The following TMEM117 variants were observed in gnomAD, a reference collection of about 807,000 sequenced individuals.
TMEM117 encodes the protein transmembrane protein 117.
In TMEM117, 27 loss-of-function variants were observed where a neutral mutation model predicts 52.4. The observed-to-expected ratio is 0.51, with a 90% confidence interval of 0.38 to 0.71. TMEM117 has a LOEUF of 0.71. TMEM117 is among the 30% of genes least tolerant of loss of function. The pLI is 0.00. For missense variants in TMEM117, 556 were observed against 630.5 expected (o/e 0.88, Z 1.26); for synonymous variants, 215 against 206.3 (o/e 1.04, Z -0.36).
At chr12:43,822,300 G>T in the TMEM117 span, among the ~76,000 whole-genome samples, 1 of 152,136 alleles carries the variant, frequency 6.6e-6, no homozygotes, top group African/African-American at 2.4e-5. Context: ...ATTGGACAGA[G>T]AAACTCTCAG....
chr12:44,137,867 A>T (rs77313209), intron 3 of TMEM117, among the ~76,000 whole-genome samples: 3,015 of 152,150 alleles, frequency 0.02, 83 homozygotes, highest in East Asian at 0.057. Context: ...AAACCATATC[A>T]CATGCTTTAC....
intron 3 of TMEM117, among the ~76,000 whole-genome samples, chr12:43,974,683 A>AT (rs1380453972): frequency 6.6e-6 from 1 of 152,058 alleles, no homozygotes; most frequent in African/African-American, 2.4e-5. Flanking sequence ...CCAGATGTAC[A>AT]TTTTTGATGT....
chr12:44,332,328 G>A (rs1951281635), intron 6 of TMEM117, among the ~76,000 whole-genome samples: 1 of 152,004 alleles, frequency 6.6e-6, no homozygotes, highest in Non-Finnish European at 1.5e-5. Flanking sequence ...CTTACTAGAA[G>A]GTGGAAAAAA....
intron 2 of TMEM117, among the ~76,000 whole-genome samples, chr12:43,942,089 G>T (rs1165867044): frequency 6.6e-6 from 1 of 152,094 alleles, no homozygotes; most frequent in Non-Finnish European, 1.5e-5. Flanking sequence ...ATAGGTCTTG[G>T]TCTAAAGCTG....
intron 4 of TMEM117, among the ~76,000 whole-genome samples, chr12:44,202,350 A>G (rs1452684867): frequency 1.3e-5 from 2 of 152,192 alleles, no homozygotes; most frequent in African/African-American, 4.8e-5. Flanking sequence ...ACGTGAAGCC[A>G]TGTTGAATTT....
At chr12:44,353,055 A>C (rs1361905924) in intron 6 of TMEM117, among the ~76,000 whole-genome samples, 1 of 152,110 alleles carries the variant, frequency 6.6e-6, no homozygotes, top group Non-Finnish European at 1.5e-5. Context: ...AGTGATGATG[A>C]GCATTTTTTC....
intron 6 of TMEM117, among the ~76,000 whole-genome samples, chr12:44,362,646 A>G (rs936589822): frequency 1.3e-5 from 2 of 152,084 alleles, no homozygotes; most frequent in Admixed American, 6.6e-5. Context: ...TTAGCTTAGA[A>G]TTGTGATGGT....
At chr12:44,260,200 G>A (rs1352432802) in intron 5 of TMEM117, among the ~76,000 whole-genome samples, 2 of 152,150 alleles carry the variant, frequency 1.3e-5, no homozygotes, top group Non-Finnish European at 2.9e-5. Flanking sequence ...GTTAGTGAAA[G>A]GTGAGAAAGC....
At chr12:43,968,867 G>T (rs554972682) in intron 3 of TMEM117, among the ~76,000 whole-genome samples, 1 of 152,278 alleles carries the variant, frequency 6.6e-6, no homozygotes, top group East Asian at 1.9e-4. Flanking sequence ...TTTTACTGCA[G>T]CCTGCACATG....
chr12:43,814,102 G>C, the TMEM117 span, among the ~76,000 whole-genome samples: 1 of 152,178 alleles, frequency 6.6e-6, no homozygotes, highest in African/African-American at 2.4e-5. Flanking sequence ...ACAGGAATAT[G>C]TTTGAAATTA....
Position 44,030,331 on chromosome 12 carries a change from A to G in TMEM117, c.410+85989A>G, listed in dbSNP as rs1946612984. Among the ~76,000 whole-genome samples the G allele has an allele frequency of 2.0e-5, 3 of 152,194 alleles. No homozygotes were observed. In the South Asian group the frequency reaches 6.2e-4, roughly 32 times the overall value. ...ACCTTGGAGCATTAAATTCTAGATA[A>G]AGCCTGGGGACATGTGGAGTTAGCC... On this transcript the variant is annotated intron_variant, in intron 3 of 7. Transcript: ENST00000266534.
At chr12:43,917,021 C>CCATTTATAAAACTG (rs201586853) in intron 2 of TMEM117, among the ~76,000 whole-genome samples, 1,595 of 152,210 alleles carry the variant, frequency 0.01, 27 homozygotes, top group East Asian at 0.041. Context: ...CATTTATTTA[C>CCATTTATAAAACTG]GGCCTCCCTA....
At chr12:43,888,363 A>T (rs2614394) in intron 2 of TMEM117, among the ~76,000 whole-genome samples, 1 of 151,940 alleles carries the variant, frequency 6.6e-6, no homozygotes, top group African/African-American at 2.4e-5. Flanking sequence ...TATGCCATCC[A>T]TTAGCCATAC....
At position 44,055,919 on chromosome 12, in the gene TMEM117, C is replaced by CT. The variant is rs141349619; in HGVS notation, c.411-87603dup. Among the ~76,000 whole-genome samples, 609 of 152,194 alleles carry CT rather than the reference C, an allele frequency of 4.0e-3. 7 individuals are homozygous for CT. Among genetic ancestry groups the CT allele is most frequent in the African/African-American group, 0.014 (586 of 41,550 alleles). On this transcript the variant is annotated intron_variant, in intron 3 of 7. Transcript: ENST00000266534. ...ACCAACAATTATATAAACTGTTACACTTTCAGCTTGTTTTCAGCTTTTTAT... is the reference window on the plus strand; with the variant it reads ...ACCAACAATTATATAAACTGTTACACTTTTCAGCTTGTTTTCAGCTTTTTAT...
At chr12:44,397,509 C>T in the TMEM117 span, among the ~76,000 whole-genome samples, 2 of 152,126 alleles carry the variant, frequency 1.3e-5, no homozygotes, top group Non-Finnish European at 2.9e-5. Context: ...TCTCTGAAAG[C>T]CACAACTGGA....
chr12:44,056,072 A>G (rs1054162185), intron 3 of TMEM117, among the ~76,000 whole-genome samples: 6 of 152,028 alleles, frequency 3.9e-5, no homozygotes, highest in Admixed American at 2.6e-4. Context: ...TTTTACATCT[A>G]TATTTAACAG....
At chr12:44,062,453 A>G (rs842201) in intron 3 of TMEM117, among the ~76,000 whole-genome samples, 1,599 of 152,322 alleles carry the variant, frequency 0.01, 28 homozygotes, top group African/African-American at 0.037. Flanking sequence ...ACCGTCTATG[A>G]AATAGCTCAG....
rs1592712129 is a variant in TMEM117, at chr12:44,352,236, A to G, written c.769-24359A>G. 2.6e-5 allele frequency among the ~76,000 whole-genome samples: 4 copies of G among 151,988 alleles called. No homozygotes were observed. The South Asian group carries it at 6.2e-4, about 24-fold the overall frequency. On this transcript the variant is annotated intron_variant, in intron 6 of 7. Coordinates refer to ENST00000266534, the MANE Select transcript of TMEM117 (RefSeq NM_032256.3). The stretch of plus-strand genomic sequence containing the variant: ...TACCCCATAAATATATACACCTACT[A>G]TGTACCCACAAACATTTTTAAAAAT...
chr12:44,088,100 T>C (rs1947602674), intron 3 of TMEM117, among the ~76,000 whole-genome samples: 1 of 152,186 alleles, frequency 6.6e-6, no homozygotes, highest in Admixed American at 6.5e-5. Flanking sequence ...ACTGTAGCTT[T>C]AGATAGTTAA....
Sources: gnomAD v4.1 joint callset for allele counts (sites outside exome capture counted in the v4.1 genomes callset) on GRCh38, gnomAD v4.1.1 for gene constraint, MANE v1.5 for transcripts, NCBI Gene and HGNC (gene_info 2026-07-23, HGNC 2026-07-21) for gene names.